EMC3: variants seen among roughly 807,000 people sequenced by gnomAD.
The protein encoded by EMC3 is ER membrane protein complex subunit 3.
Under a neutral mutation model 36.6 loss-of-function variants are expected in EMC3, and 13 were observed. That is an observed-to-expected ratio of 0.35 (90% CI 0.23 to 0.56). The LOEUF (loss-of-function observed/expected upper bound fraction) is 0.56. Ranked by LOEUF, EMC3 falls within the 20% of genes least tolerant of loss-of-function variation. The probability of loss-of-function intolerance (pLI) is 0.84; values close to 1 mark genes in which losing one functional copy is unlikely to be tolerated. For missense variants in EMC3, 220 were observed against 324.5 expected (o/e 0.68, Z 2.47); for synonymous variants, 120 against 111.9 (o/e 1.07, Z -0.46).
chr3:9,993,927 G>T (rs566643024), intron 1 of EMC3, among the ~76,000 whole-genome samples: 2 of 152,276 alleles, frequency 1.3e-5, no homozygotes, highest in Non-Finnish European at 2.9e-5. Flanking sequence ...CGAGCAGATA[G>T]GAATGTACTA....
intron 1 of EMC3, chr3:10,002,773 CT>C: frequency 2.2e-6 from 1 of 453,944 alleles, no homozygotes; most frequent in Non-Finnish European, 4.4e-6. Flanking sequence ...AGAAATGTCC[CT>C]GGCTCAACAA....
chr3:10,005,590 C>G (rs1261515632), intron 1 of EMC3, among the ~76,000 whole-genome samples: 1 of 152,198 alleles, frequency 6.6e-6, no homozygotes. Context: ...TGCCCTTCAA[C>G]TTGACTCATT....
chr3:9,988,358 T>C (rs561553154), upstream of EMC3: 1 of 1,073,558 alleles, frequency 9.3e-7, no homozygotes, highest in East Asian at 2.4e-5. Flanking sequence ...TTTTTTCCTC[T>C]CTGCTACTTG....
intron 5 of EMC3, among the ~76,000 whole-genome samples, chr3:9,970,932 T>TC (rs1467457304): frequency 2.0e-5 from 3 of 151,962 alleles, no homozygotes; most frequent in African/African-American, 7.3e-5. Flanking sequence ...CCATACTTTT[T>TC]TTTTTTTTGA....
At chr3:9,970,840 C>T (rs900806583) in intron 5 of EMC3, among the ~76,000 whole-genome samples, 179 bp from the exon 6 acceptor site, 5 of 152,050 alleles carry the variant, frequency 3.3e-5, no homozygotes, top group African/African-American at 1.2e-4. Flanking sequence ...CTCACCAATA[C>T]AGAACTATAT....
chr3:10,002,400 C>A (rs148768753), intron 1 of EMC3, among the ~76,000 whole-genome samples: 1 of 152,078 alleles, frequency 6.6e-6, no homozygotes, highest in Non-Finnish European at 1.5e-5. Context: ...GTGATCCTCC[C>A]ACCTCAGCCT....
upstream of EMC3, among the ~76,000 whole-genome samples, chr3:9,990,899 G>T (rs909402659): frequency 6.6e-6 from 1 of 151,896 alleles, no homozygotes; most frequent in Non-Finnish European, 1.5e-5. Context: ...CACGATCTCG[G>T]CTCACTGCAA....
rs748255772 is a variant in EMC3, at chr3:9,973,654, G to C, written c.468C>G (p.Ile156Met). 6.2e-7 allele frequency: 1 copy of C among 1,614,098 alleles called. No homozygotes were observed. The highest frequency in any genetic ancestry group is 1.1e-5 in the South Asian group (1 of 91,086). The change falls in exon 5 of 8, where the codon ATC becomes ATG. Residue 156 changes from isoleucine (I) to methionine (M), a missense_variant. Around this residue, in one of 3 missense-constraint regions of EMC3, gnomAD observed 56 missense variants for 117.0 expected, o/e 0.48. Coordinates refer to ENST00000245046, the MANE Select transcript of EMC3 (RefSeq NM_001394674.1). ...AGGATGCATCTAATGTGAGTAGCTC[G>C]ATTCCTTGCTGTAACATAGGCTTAA... ...LRFKPMLQQGIELLTLDASWV... is the reference protein window; with the variant it reads ...LRFKPMLQQGMELLTLDASWV...
chr3:9,980,364 A>G (rs1246016533), intron 1 of EMC3, among the ~76,000 whole-genome samples: 1 of 143,918 alleles, frequency 6.9e-6, no homozygotes, highest in African/African-American at 2.7e-5. Context: ...GAAACTAATG[A>G]AGGATTTTTT....
At chr3:9,983,082 T>C (rs540818736) in intron 1 of EMC3, among the ~76,000 whole-genome samples, 1 of 151,886 alleles carries the variant, frequency 6.6e-6, no homozygotes, top group African/African-American at 2.4e-5. Flanking sequence ...ACATTTTCTC[T>C]AGAGCAGTGG....
At chr3:10,002,042 C>T (rs1212104750) in intron 1 of EMC3, among the ~76,000 whole-genome samples, 1 of 151,066 alleles carries the variant, frequency 6.6e-6, no homozygotes, top group Non-Finnish European at 1.5e-5. Flanking sequence ...AGTGTGAGCC[C>T]TCCAACTTTG....
chr3:9,988,149 C>G (rs1178437814), upstream of EMC3: 1 of 546,882 alleles, frequency 1.8e-6, no homozygotes, highest in African/African-American at 1.9e-5. Context: ...AGTATTATAT[C>G]GTTTTTCAAA....
chr3:10,003,809 C>T (rs965949244), intron 1 of EMC3: 1 of 160,312 alleles, frequency 6.2e-6, no homozygotes, highest in African/African-American at 2.4e-5. Flanking sequence ...ACCATGGCCT[C>T]ATGAGGGAGG....
chr3:10,000,854 G>T, intron 1 of EMC3: 1 of 488,018 alleles, frequency 2.0e-6, no homozygotes, highest in Non-Finnish European at 4.1e-6. Flanking sequence ...AGACCTTGGA[G>T]ATTAGGCCTA....
At chr3:10,005,791 A>G (rs1363170430) in intron 1 of EMC3, among the ~76,000 whole-genome samples, 1 of 152,322 alleles carries the variant, frequency 6.6e-6, no homozygotes, top group Middle Eastern at 3.4e-3. Flanking sequence ...TCATAGAAAG[A>G]AAATTCAACT....
chr3:9,988,481 G>A (rs144001407), upstream of EMC3: 837 of 1,290,008 alleles, frequency 6.5e-4, 5 homozygotes, highest in African/African-American at 9.4e-3. Flanking sequence ...GATTAAGGTG[G>A]GATCTTTGGA....
chr3:9,972,472 A>C (rs917702755), intron 5 of EMC3, among the ~76,000 whole-genome samples: 1 of 151,528 alleles, frequency 6.6e-6, no homozygotes, highest in African/African-American at 2.4e-5. Context: ...GAAAAAAAAA[A>C]AAAAAAAAAA....
intron 7 of EMC3, among the ~76,000 whole-genome samples, chr3:9,968,012 C>T (rs1392530659): frequency 1.3e-5 from 2 of 152,192 alleles, no homozygotes; most frequent in Non-Finnish European, 1.5e-5. Flanking sequence ...ACCTCTGCCT[C>T]CCGGGTTCAA....
At chr3:10,008,339 A>G in intron 1 of EMC3, 1 of 1,267,766 alleles carries the variant, frequency 7.9e-7, no homozygotes, top group South Asian at 1.2e-5. Context: ...AAGGGACTAT[A>G]GGGAAGGGGC....
Sources: gnomAD v4.1 joint callset for allele counts (sites outside exome capture counted in the v4.1 genomes callset) on GRCh38, gnomAD v4.1.1 for gene constraint, gnomAD v4.1.1 regional missense constraint, MANE v1.5 for transcripts, NCBI Gene and HGNC (gene_info 2026-07-23, HGNC 2026-07-21) for gene names.